Variants in SYNE2 observed in about 807,000 individuals in gnomAD.
The protein encoded by SYNE2 is spectrin repeat containing nuclear envelope protein 2, also known as nesprin-2.
In SYNE2, 431 loss-of-function variants were observed where a neutral mutation model predicts 856.3. The observed-to-expected ratio is 0.50, with a 90% CI of 0.47 to 0.55. The LOEUF (loss-of-function observed/expected upper bound fraction) is 0.55, where lower values mean the gene tolerates loss of function less well. SYNE2 is among the 20% of genes least tolerant of loss of function. SYNE2 has a pLI of 0.00. For synonymous variants in SYNE2, 2,923 were observed against 2,872.3 expected, an observed-to-expected ratio of 1.02 and a Z score of -0.56; for missense variants, 8,129 against 8,023.2, an observed-to-expected ratio of 1.01 and a Z score of -0.50.
At chr14:63,819,073 T>C (rs1259423668) in intron 1 of SYNE2, among the ~76,000 whole-genome samples, 2 of 151,802 alleles carry the variant, frequency 1.3e-5, no homozygotes, top group Non-Finnish European at 2.9e-5. Context: ...CTGGAAAGAT[T>C]CAAATTGTGA....
intron 49 of SYNE2, among the ~76,000 whole-genome samples, chr14:64,062,041 G>A (rs2097321489): frequency 6.6e-6 from 1 of 152,010 alleles, no homozygotes; most frequent in Non-Finnish European, 1.5e-5. Context: ...ACATTCAATG[G>A]GGGATTTAGG....
At position 64,224,513 on chromosome 14, in the gene SYNE2, C is replaced by G. The variant is rs749898798; in HGVS notation, c.20435C>G (p.Pro6812Arg). Residue 6812 changes from proline to arginine, a missense_variant, in exon 114 of 116, where the codon CCT (proline) becomes CGT (arginine). Coordinates refer to ENST00000555002, the MANE Select transcript of SYNE2 (RefSeq NM_182914.3). ...SFDEVDSGDQPPATSVPAPRA... is the reference protein window; with the variant it reads ...SFDEVDSGDQRPATSVPAPRA... ...GACGAGGTAGACTCGGGGGACCAGCCTCCTGCAACATCCGTGCCAGCTCCC... is the reference window on the plus strand; with the variant it reads ...GACGAGGTAGACTCGGGGGACCAGCGTCCTGCAACATCCGTGCCAGCTCCC... 8.7e-6 allele frequency: 14 copies of G among 1,614,142 alleles called. No homozygotes were observed. The highest frequency in any genetic ancestry group is 1.2e-5 in the Non-Finnish European group (14 of 1,180,036).
At position 64,022,760 on chromosome 14, in the gene SYNE2, A is replaced by G. The variant is rs76634907; in HGVS notation, c.5534A>G (p.Lys1845Arg). The G allele has an allele frequency of 2.4e-4, 378 of 1,587,300 alleles. 2 individuals carry two copies. In the East Asian group the frequency reaches 7.5e-3, roughly 32 times the overall value. The stretch of plus-strand genomic sequence containing the variant: ...TTTTTTCCCCCTGCAGATCAATGCA[A>G]GAACTTTAATGACTGGTTCAGCAAC... ...HFSKLLNDQC[K>R]NFNDWFSNIK... Residue 1845 changes from lysine to arginine, a missense_variant, in exon 38 of 116, where the codon AAG becomes AGG. By Grantham distance (26) the Lys-to-Arg change is conservative. This residue lies in a region of SYNE2 where 2,422 missense variants were observed against 2,357.4 expected (regional missense o/e 1.03). Coordinates refer to ENST00000555002, the MANE Select transcript of SYNE2 (RefSeq NM_182914.3).
intron 1 of SYNE2, among the ~76,000 whole-genome samples, chr14:63,861,788 AAC>A (rs1373999286): frequency 6.6e-6 from 1 of 152,184 alleles, no homozygotes; most frequent in African/African-American, 2.4e-5. Context: ...ATGTAGGTAA[AAC>A]AAATTCAATT....
Position 64,125,167 on chromosome 14 carries a change from A to C in SYNE2, c.13511A>C (p.Gln4504Pro), listed in dbSNP as rs751306568. 1 of 1,614,218 alleles carries C rather than the reference A, an allele frequency of 6.2e-7. No individual in the cohort carries two copies. Among genetic ancestry groups the C allele is most frequent in the Non-Finnish European group, 8.5e-7 (1 of 1,180,038 alleles). ...GAAGAACTGAAAACCTATACCACCC[A>C]ACTTGAAGACCTGCGCCAAGAAGCA... ...TTEELKTYTT[Q>P]LEDLRQEASN... is the part of the protein sequence containing the mutation. Residue 4504 changes from glutamine (Q) to proline (P), a missense_variant, in exon 71 of 116, where the codon CAA becomes CCA. Gln to Pro is a moderately conservative substitution (Grantham distance 76, BLOSUM62 -1). Coordinates refer to ENST00000555002, the MANE Select transcript of SYNE2 (RefSeq NM_182914.3).
intron 100 of SYNE2, among the ~76,000 whole-genome samples, chr14:64,208,345 C>A (rs575621060): frequency 6.6e-6 from 1 of 152,316 alleles, no homozygotes; most frequent in East Asian, 1.9e-4. Context: ...GCTGAAGAGA[C>A]TCAGTTTCTA....
chr14:63,953,539 G>GATAGATAGATAGATAGATAGAT (rs1566897832), intron 7 of SYNE2, among the ~76,000 whole-genome samples: 33 of 131,372 alleles, frequency 2.5e-4, no homozygotes, highest in African/African-American at 6.9e-4. Context: ...GATAGAGAGA[G>GATAGATAGATAGATAGATAGAT]AGAGAGATAG....
chr14:64,185,139 T>G (rs969652311), intron 96 of SYNE2, among the ~76,000 whole-genome samples: 4 of 152,180 alleles, frequency 2.6e-5, no homozygotes, highest in Non-Finnish European at 5.9e-5. Flanking sequence ...GTGCCTATAG[T>G]CTCAGCTACT....
At chr14:64,215,938 A>G in intron 107 of SYNE2, 1 of 1,322,024 alleles carries the variant, frequency 7.6e-7, no homozygotes, top group Non-Finnish European at 9.7e-7. Context: ...GCCTTCTGCC[A>G]TCTTGGTCCC....
chr14:63,944,394 A>T (rs1449735695), intron 6 of SYNE2, among the ~76,000 whole-genome samples: 3 of 150,760 alleles, frequency 2.0e-5, no homozygotes, highest in Non-Finnish European at 4.4e-5. Context: ...ATTTGTAATT[A>T]TAGGTAATTT....
At position 63,917,759 on chromosome 14, in the gene SYNE2, C is replaced by T. The variant is rs530282012; in HGVS notation, c.79+8532C>T. Among the ~76,000 whole-genome samples the T allele has an allele frequency of 7.9e-5, 12 of 152,228 alleles. No individual in the cohort carries two copies. The East Asian group carries it at 1.2e-3, about 15-fold the overall frequency. On this transcript the variant is annotated intron_variant, in intron 2 of 115. Transcript: ENST00000555002. ...TGCTGGGATTACAGGCATGAGTCAC[C>T]GCACCTGGCCTCAAGCTTTATAATC...
At chr14:63,972,621 ATCT>A (rs1595958090) in intron 11 of SYNE2, among the ~76,000 whole-genome samples, 1 of 152,240 alleles carries the variant, frequency 6.6e-6, no homozygotes, top group African/African-American at 2.4e-5. Flanking sequence ...ACCTGTTAAG[ATCT>A]TACATAAATT....
chr14:64,188,806 T>A, intron 98 of SYNE2, 98 bp downstream of exon 98: 1 of 1,295,602 alleles, frequency 7.7e-7, no homozygotes, highest in Non-Finnish European at 1.1e-6. Flanking sequence ...TACGGGTGTT[T>A]CCAGTAGCAT....
At chr14:64,199,296 C>A (rs2139876545) in intron 99 of SYNE2, among the ~76,000 whole-genome samples, 1 of 152,320 alleles carries the variant, frequency 6.6e-6, no homozygotes, top group Admixed American at 6.5e-5. Context: ...TGCTTAAGAA[C>A]AGCAGCTCCA....
chr14:64,025,342 A>G lies in SYNE2; in HGVS notation c.6173A>G (p.Lys2058Arg). Residue 2058 changes from lysine (K) to arginine (R), a missense_variant, in exon 41 of 116, where the codon AAA becomes AGA. Coordinates refer to ENST00000555002, the MANE Select transcript of SYNE2 (RefSeq NM_182914.3). ...DLAHDVIHWIKEIKESLMVLN... is the reference protein window; with the variant it reads ...DLAHDVIHWIREIKESLMVLN... The stretch of plus-strand genomic sequence containing the variant: ...GCACATGATGTAATTCATTGGATAA[A>G]AGAGATTAAAGAGTCCCTTATGGTT... 6.2e-7 allele frequency: 1 copy of G among 1,614,082 alleles called. No individual in the cohort carries two copies. Among genetic ancestry groups the G allele is most frequent in the Admixed American group, 1.7e-5 (1 of 60,024 alleles).
intron 2 of SYNE2, among the ~76,000 whole-genome samples, chr14:63,935,331 G>T (rs2095816925): frequency 6.6e-6 from 1 of 152,146 alleles, no homozygotes; most frequent in South Asian, 2.1e-4. Context: ...CATAAAAAAT[G>T]GAATGGATTA....
chr14:64,107,628 A>C, intron 65 of SYNE2, 21 bp downstream of exon 65: 1 of 1,581,588 alleles, frequency 6.3e-7, no homozygotes. Flanking sequence ...GTTGGTAATA[A>C]GTAAACTGCT....
intron 77 of SYNE2, among the ~76,000 whole-genome samples, chr14:64,132,975 G>A (rs908405990): frequency 6.6e-6 from 1 of 152,086 alleles, no homozygotes; most frequent in African/African-American, 2.4e-5. Flanking sequence ...GGCGGAGGGG[G>A]GCAGATCACG....
At chr14:64,181,114 A>G (rs1195495202) in intron 96 of SYNE2, among the ~76,000 whole-genome samples, 1 of 148,074 alleles carries the variant, frequency 6.8e-6, no homozygotes, top group Non-Finnish European at 1.5e-5. Flanking sequence ...TTTTTTTCCT[A>G]TTTTTCCTAC....
Sources: allele counts gnomAD v4.1 joint callset (sites outside exome capture counted in the v4.1 genomes callset), GRCh38; gene constraint gnomAD v4.1.1; regional missense constraint gnomAD v4.1.1; transcripts MANE v1.5; gene names NCBI Gene and HGNC (gene_info 2026-07-23, HGNC 2026-07-21).